Variants in NEXMIF observed in about 807,000 individuals in gnomAD.
NEXMIF encodes the protein XLMR protein related to neurite extension.
A neutral mutation model predicts 62.1 loss-of-function variants in NEXMIF; 8 were observed. The observed-to-expected ratio is 0.13, with a 90% CI of 0.08 to 0.23. The LOEUF (loss-of-function observed/expected upper bound fraction) is 0.23, where lower values mean the gene tolerates loss of function less well. Ranked by LOEUF, NEXMIF falls within the 10% of genes least tolerant of loss-of-function variation. The pLI is 1.00. For synonymous variants in NEXMIF, 404 were observed against 416.6 expected (o/e 0.97, Z 0.37); for missense variants, 976 against 1,113.3 (o/e 0.88, Z 1.75).
At chrX:74,847,387 A>G (rs1368310614) in intron 1 of NEXMIF, among the ~76,000 whole-genome samples, 1 of 112,197 alleles carries the variant, frequency 8.9e-6, no homozygotes, top group Non-Finnish European at 1.9e-5. Context: ...CATACATATA[A>G]GCATTCTACT....
chrX:74,851,289 G>C (rs773915278), intron 1 of NEXMIF, among the ~76,000 whole-genome samples: 1 of 111,232 alleles, frequency 9.0e-6, no homozygotes, highest in Non-Finnish European at 1.9e-5. Flanking sequence ...AAGAACAAAG[G>C]GGGTAGAAAA....
chrX:74,760,005 ATTCT>A (rs989409485), intron 1 of NEXMIF, among the ~76,000 whole-genome samples: 1 of 112,097 alleles, frequency 8.9e-6, no homozygotes, highest in African/African-American at 3.2e-5. Context: ...AATGATATTG[ATTCT>A]TCCTATCCAT....
chrX:74,779,322 C>T (rs187601988), intron 1 of NEXMIF, among the ~76,000 whole-genome samples: 2 of 111,565 alleles, frequency 1.8e-5, no homozygotes, highest in African/African-American at 3.2e-5. Flanking sequence ...TCCATGACTA[C>T]GACCACATCT....
chrX:74,859,755 G>A (rs149160968), intron 1 of NEXMIF, among the ~76,000 whole-genome samples: 2,515 of 111,235 alleles, frequency 0.023, 41 homozygotes, highest in South Asian at 0.13. Flanking sequence ...TTAAAAAGCG[G>A]GAGGATGAAG....
At chrX:74,761,337 G>T (rs927104613) in intron 1 of NEXMIF, among the ~76,000 whole-genome samples, 11 of 111,545 alleles carry the variant, frequency 9.9e-5, no homozygotes, top group African/African-American at 3.6e-4. Context: ...GCTGTGAATC[G>T]ACCTGGTCCT....
intron 1 of NEXMIF, among the ~76,000 whole-genome samples, chrX:74,914,548 G>T (rs2080800442): frequency 9.0e-6 from 1 of 111,329 alleles, no homozygotes. Context: ...AGGCATGGTG[G>T]CATGCGCCTG....
chrX:74,900,240 G>A (rs985512208), intron 1 of NEXMIF, among the ~76,000 whole-genome samples: 7 of 110,315 alleles, frequency 6.3e-5, no homozygotes, highest in South Asian at 3.9e-4. Context: ...TGAGGCAGGC[G>A]GATCACGAGG....
intron 1 of NEXMIF, among the ~76,000 whole-genome samples, chrX:74,762,825 C>A (rs760973673): frequency 9.1e-6 from 1 of 109,606 alleles, no homozygotes; most frequent in African/African-American, 3.3e-5. Flanking sequence ...GTTTTTTTTT[C>A]TTGTAAATTT....
intron 1 of NEXMIF, among the ~76,000 whole-genome samples, chrX:74,876,440 T>A (rs1420541870): frequency 1.8e-5 from 2 of 111,455 alleles, no homozygotes. Context: ...ATAGGTGTAG[T>A]GTGGTGCTGA....
rs777248349 is a variant in NEXMIF, at chrX:74,895,821, G to A, written c.-48+29062C>T. On this transcript the variant is annotated intron_variant, in intron 1 of 3. Transcript: ENST00000055682. ...GGGGGTAGGGGTGTGAAGCGGGGGC[G>A]GTGGCTACTGTGTAAAAAAAAAAAA... Among the ~76,000 whole-genome samples the A allele has an allele frequency of 9.5e-5, 10 of 105,319 alleles. 1 individual carries two copies. Among genetic ancestry groups the A allele is most frequent in the Admixed American group, 8.1e-4 (8 of 9,872 alleles). 91.5% of individuals were successfully genotyped at this position (105,319 alleles called of 115,157 possible).
intron 1 of NEXMIF, among the ~76,000 whole-genome samples, chrX:74,821,156 A>G (rs1379896799): frequency 9.0e-6 from 1 of 111,296 alleles, no homozygotes; most frequent in Non-Finnish European, 1.9e-5. Context: ...CTCTTCTGAG[A>G]TGGACCCTTT....
intron 1 of NEXMIF, among the ~76,000 whole-genome samples, chrX:74,878,338 C>A (rs2080647032): frequency 8.9e-6 from 1 of 112,152 alleles, no homozygotes; most frequent in African/African-American, 3.2e-5. Context: ...AGGAGGCAGT[C>A]TGCCCGTTCT....
chrX:74,872,036 T>A (rs2080603337), intron 1 of NEXMIF, among the ~76,000 whole-genome samples: 1 of 111,497 alleles, frequency 9.0e-6, no homozygotes, highest in African/African-American at 3.3e-5. Context: ...TAAATGTCCA[T>A]GAAATCTTCA....
intron 1 of NEXMIF, among the ~76,000 whole-genome samples, chrX:74,875,462 G>A (rs1281178828): frequency 9.0e-6 from 1 of 111,201 alleles, no homozygotes; most frequent in Non-Finnish European, 1.9e-5. Flanking sequence ...TCTCTTTTTT[G>A]GTTGTGTCTC....
intron 1 of NEXMIF, among the ~76,000 whole-genome samples, chrX:74,916,079 C>A (rs2080805816): frequency 8.9e-6 from 1 of 111,944 alleles, no homozygotes. Context: ...TTGCAGAGTA[C>A]ATTCAATTCA....
intron 1 of NEXMIF, among the ~76,000 whole-genome samples, chrX:74,916,160 G>T (rs1261997808): frequency 8.9e-6 from 1 of 111,826 alleles, no homozygotes; most frequent in Non-Finnish European, 1.9e-5. Context: ...AATGATATTT[G>T]CAATTCCACA....
chrX:74,875,675 T>C (rs953166693), intron 1 of NEXMIF, among the ~76,000 whole-genome samples: 2 of 111,908 alleles, frequency 1.8e-5, no homozygotes, highest in Admixed American at 9.5e-5. Context: ...TTTCCGAGCG[T>C]GTTATTGGTC....
intron 1 of NEXMIF, among the ~76,000 whole-genome samples, chrX:74,837,675 G>C (rs911599397): frequency 9.0e-6 from 1 of 111,731 alleles, no homozygotes; most frequent in African/African-American, 3.3e-5. Context: ...AGGCAGAACT[G>C]CAAACACCAG....
At chrX:74,868,816 AAT>A (rs1211977346) in intron 1 of NEXMIF, among the ~76,000 whole-genome samples, 1 of 111,273 alleles carries the variant, frequency 9.0e-6, no homozygotes, top group Non-Finnish European at 1.9e-5. Flanking sequence ...AAAAAAAAGT[AAT>A]GAGTTCGAAG....
Sources: gnomAD v4.1 joint callset for allele counts (sites outside exome capture counted in the v4.1 genomes callset) on GRCh38, gnomAD v4.1.1 for gene constraint, MANE v1.5 for transcripts, NCBI Gene and HGNC (gene_info 2026-07-23, HGNC 2026-07-21) for gene names.